The following NDST1 variants were observed in gnomAD, a reference collection of about 807,000 sequenced individuals.
NDST1 encodes the protein bifunctional heparan sulfate N-deacetylase/N-sulfotransferase 1.
NDST1 carries 35 observed loss-of-function variants against 92.8 expected under a neutral mutation model. The ratio of observed to expected loss-of-function variants is 0.38; its 90% CI spans 0.29 to 0.50. The LOEUF (loss-of-function observed/expected upper bound fraction) is 0.50. Ranked by LOEUF, NDST1 falls within the 20% of genes least tolerant of loss-of-function variation. The pLI is 0.94. For missense variants in NDST1, 822 were observed against 1,182.7 expected (o/e 0.69, Z 4.47); for synonymous variants, 493 against 500.3 (o/e 0.99, Z 0.19).
rs1044914996 is a variant in NDST1 at position 150,520,769 on chromosome 5, C to A, written c.-387-99C>A. The A allele has an allele frequency of 2.0e-5, 8 of 397,290 alleles. No individual in the cohort carries two copies. The Admixed American group carries it at 2.2e-4, about 11-fold the overall frequency. 24.6% of individuals were successfully genotyped at this position (397,290 alleles called of 1,614,324 possible). On this transcript the variant is annotated intron_variant, in intron 1 of 14. Transcript: ENST00000261797. Reference sequence around the variant, plus strand: ...ATGCAACCTTGGTTCGGCAGCCGTACTTGCATTTGGGCATTCCTAGGTCAG... The same window carrying A: ...ATGCAACCTTGGTTCGGCAGCCGTAATTGCATTTGGGCATTCCTAGGTCAG...
intron 1 of NDST1, among the ~76,000 whole-genome samples, chr5:150,511,510 A>T (rs1753719042): frequency 6.6e-6 from 1 of 152,202 alleles, no homozygotes; most frequent in African/African-American, 2.4e-5. Context: ...AAAATGGACC[A>T]AGGTAAATGA....
chr5:150,532,984 C>T lies in NDST1; in HGVS notation c.1048C>T (p.Pro350Ser). Residue 350 changes from proline (P) to serine (S), a missense_variant, in exon 4 of 15, where the codon CCA becomes TCA. Physicochemically the swap from Pro to Ser is moderately conservative, Grantham distance 74. Coordinates refer to ENST00000261797, the MANE Select transcript of NDST1 (RefSeq NM_001543.5). ...DTQNELRAHI[P>S]NFTFNLGYSG... ...ACAGAACGAACTACGCGCACACATCCCAAACTTCACCTTCAACCTGGGCTA... is the reference window on the plus strand; with the variant it reads ...ACAGAACGAACTACGCGCACACATCTCAAACTTCACCTTCAACCTGGGCTA... The T allele has an allele frequency of 6.2e-7, 1 of 1,614,212 alleles. No individual in the cohort carries two copies.
rs921182414 is a variant in NDST1, at chr5:150,555,287, G to C, written c.*1955G>C. On this transcript the variant is annotated 3_prime_UTR_variant, in exon 15 of 15. Coordinates refer to ENST00000261797, the MANE Select transcript of NDST1 (RefSeq NM_001543.5). ...GTGCCTTTGAGCCTTCTCATTCCGAGGTCTGCGTTTGCATCCCTGTCGTGT... is the reference window on the plus strand; with the variant it reads ...GTGCCTTTGAGCCTTCTCATTCCGACGTCTGCGTTTGCATCCCTGTCGTGT... 3 of 152,914 alleles carry C rather than the reference G, an allele frequency of 2.0e-5. No homozygotes were observed. The highest frequency in any genetic ancestry group is 7.2e-5 in the African/African-American group (3 of 41,462). The allele number at this position is 152,914 out of a possible 1,614,324, so 9.5% of individuals were successfully genotyped here. A position where few individuals can be genotyped will look rare whatever the true frequency, so the allele number is the denominator to read the frequency against.
intron 10 of NDST1, among the ~76,000 whole-genome samples, chr5:150,543,962 T>G (rs959143583): frequency 3.9e-5 from 6 of 152,192 alleles, no homozygotes; most frequent in Non-Finnish European, 8.8e-5. Flanking sequence ...GTATTTTTAG[T>G]AGAGACGAGG....
At chr5:150,530,850 G>A (rs923426682) in intron 3 of NDST1, among the ~76,000 whole-genome samples, 6 of 152,030 alleles carry the variant, frequency 3.9e-5, no homozygotes, top group Non-Finnish European at 7.4e-5. Flanking sequence ...ATGAGCCACC[G>A]CACCTGGCCC....
Position 150,548,284 on chromosome 5 carries a change from T to C in NDST1, c.2212T>C (p.Ser738Pro), listed in dbSNP as rs1755578195. ...CTTCCATGAGGTGATTACCGCCGGCTCTGACGCATCCTCGAAGCTGCGTGC... is the reference window on the plus strand; with the variant it reads ...CTTCCATGAGGTGATTACCGCCGGCCCTGACGCATCCTCGAAGCTGCGTGC... Reference protein sequence around the residue: ...YTFHEVITAGSDASSKLRALQ... With the variant: ...YTFHEVITAGPDASSKLRALQ... The change falls in exon 12 of 15, where the codon TCT becomes CCT. Residue 738 changes from serine to proline, a missense_variant. Transcript: ENST00000261797. 6.2e-7 allele frequency: 1 copy of C among 1,614,050 alleles called. No homozygotes were observed. Among genetic ancestry groups the C allele is most frequent in the African/African-American group, 1.3e-5 (1 of 74,920 alleles).
chr5:150,534,911 G>C lies in NDST1; in HGVS notation c.1141G>C (p.Val381Leu). The C allele has an allele frequency of 6.2e-7, 1 of 1,614,272 alleles. No individual in the cohort carries two copies. Among genetic ancestry groups the C allele is most frequent in the South Asian group, 1.1e-5 (1 of 91,090 alleles). The change falls in exon 5 of 15, where the codon GTG (valine) becomes CTG (leucine). Residue 381 changes from valine (V) to leucine (L), a missense_variant. Coordinates refer to ENST00000261797, the MANE Select transcript of NDST1 (RefSeq NM_001543.5). ...DAGDDLLLSY[V>L]KEFWWFPHMW... The stretch of plus-strand genomic sequence containing the variant: ...TGGGGATGATCTGCTGCTGTCGTAT[G>C]TGAAGGAGTTCTGGTGGTTCCCCCA...
At chr5:150,551,670 T>A in intron 13 of NDST1, 83 bp from the exon 14 acceptor site, 1 of 1,538,914 alleles carries the variant, frequency 6.5e-7, no homozygotes, top group Non-Finnish European at 8.9e-7. Context: ...TCTCTGCCAT[T>A]CCTGGGGTCC....
intron 1 of NDST1, among the ~76,000 whole-genome samples, chr5:150,518,614 A>G (rs2151265673): frequency 6.6e-6 from 1 of 152,330 alleles, no homozygotes. Context: ...TTTCTAGCCT[A>G]TGCACAAAAA....
chr5:150,543,592 T>A (rs1394221193), intron 10 of NDST1, among the ~76,000 whole-genome samples: 1 of 152,320 alleles, frequency 6.6e-6, no homozygotes, highest in African/African-American at 2.4e-5. Flanking sequence ...ATGTTTCATG[T>A]CAGGTAGGTA....
At position 150,551,739 on chromosome 5, in the gene NDST1, TC is replaced by T; in HGVS notation, c.2427-11del. ...TGAGCCAGCTCCCATCCAAAGACTT[TC>T]CCACCTCCACAGGTTTGATCCAAAG... On this transcript the variant is annotated splice_polypyrimidine_tract_variant and intron_variant, in intron 13 of 14. Coordinates refer to ENST00000261797, the MANE Select transcript of NDST1 (RefSeq NM_001543.5). 6.2e-7 allele frequency: 1 copy of T among 1,611,710 alleles called. No homozygotes were observed. The highest frequency in any genetic ancestry group is 8.5e-7 in the Non-Finnish European group (1 of 1,178,306).
intron 2 of NDST1, among the ~76,000 whole-genome samples, chr5:150,523,440 G>T (rs1035131959): frequency 6.6e-6 from 1 of 152,216 alleles, no homozygotes; most frequent in Non-Finnish European, 1.5e-5. Context: ...GCAGATTCAC[G>T]CACTTCACAC....
At chr5:150,548,541 A>T (rs538889433) in intron 12 of NDST1, among the ~76,000 whole-genome samples, 153 bp downstream of exon 12, 19 of 152,044 alleles carry the variant, frequency 1.2e-4, no homozygotes, top group Admixed American at 9.8e-4. Flanking sequence ...TTTTATTATT[A>T]TTATTATTAT....
chr5:150,520,412 A>G (rs1481246284), intron 1 of NDST1, among the ~76,000 whole-genome samples: 1 of 152,066 alleles, frequency 6.6e-6, no homozygotes, highest in Non-Finnish European at 1.5e-5. Context: ...GCAACGGGTT[A>G]GGAAGGGAAT....
At chr5:150,532,864 G>GT in intron 3 of NDST1, 81 bp from the exon 4 acceptor site, 2 of 1,292,364 alleles carry the variant, frequency 1.5e-6, no homozygotes, top group Non-Finnish European at 2.3e-6. Flanking sequence ...GGATTTCCAC[G>GT]TTTTTTCACT....
chr5:150,535,704 A>G lies in NDST1; in HGVS notation c.1256A>G (p.His419Arg). 12 of 1,614,204 alleles carry G rather than the reference A, an allele frequency of 7.4e-6. No homozygotes were observed. The highest frequency in any genetic ancestry group is 1.0e-5 in the Non-Finnish European group (12 of 1,180,044). The change falls in exon 6 of 15, where the codon CAT becomes CGT. Residue 419 changes from histidine to arginine, a missense_variant. Transcript: ENST00000261797. ...MALNKKFAVE[H>R]GIPTDMGYAV... The stretch of plus-strand genomic sequence containing the variant: ...GCCTGGTCATCCTCTCCCTAGGAGC[A>G]TGGCATTCCCACAGACATGGGGTAT...
In NDST1 at chr5:150,551,743, A is replaced by T. The variant is rs1318143989; in HGVS notation, c.2427-10A>T. ...CCAGCTCCCATCCAAAGACTTTCCC[A>T]CCTCCACAGGTTTGATCCAAAGAAA... On this transcript the variant is annotated splice_polypyrimidine_tract_variant and intron_variant, in intron 13 of 14. Coordinates refer to ENST00000261797, the MANE Select transcript of NDST1 (RefSeq NM_001543.5). 6.2e-7 allele frequency: 1 copy of T among 1,612,058 alleles called. No individual in the cohort carries two copies. Among genetic ancestry groups the T allele is most frequent in the Middle Eastern group, 1.7e-4 (1 of 6,038 alleles).
At chr5:150,540,285 G>T (rs757943945) in intron 8 of NDST1, 21 bp downstream of exon 8, 1 of 1,585,710 alleles carries the variant, frequency 6.3e-7, no homozygotes, top group Non-Finnish European at 8.6e-7. Flanking sequence ...GGGCAGCCTG[G>T]GCAGGTTGCT....
rs1755836317 is a variant in NDST1 at position 150,554,732 on chromosome 5, ATGGTGC to A, written c.*1402_*1407del. On this transcript the variant is annotated 3_prime_UTR_variant, in exon 15 of 15. Transcript: ENST00000261797. ...AGCTGCCCCACCCACTCTCCCTCAC[ATGGTGC>A]TAGGCTGGGAGCTGCCCTGAGAGCT... The A allele has an allele frequency of 6.5e-6, 1 of 152,792 alleles. No homozygotes were observed. The highest frequency in any genetic ancestry group is 1.5e-5 in the Non-Finnish European group (1 of 68,168). 9.5% of individuals were successfully genotyped at this position (152,792 alleles called of 1,614,324 possible).
Sources: gnomAD v4.1 joint callset for allele counts (sites outside exome capture counted in the v4.1 genomes callset) on GRCh38, gnomAD v4.1.1 for gene constraint, MANE v1.5 for transcripts, NCBI Gene and HGNC (gene_info 2026-07-23, HGNC 2026-07-21) for gene names.